EDIL3: variants seen among roughly 807,000 people sequenced by gnomAD.
EDIL3 encodes EGF like and discoidin domains 3.
EDIL3 carries 37 observed loss-of-function variants against 67.4 expected under a neutral mutation model. The ratio of observed to expected loss-of-function variants is 0.55; its 90% CI spans 0.42 to 0.72. The LOEUF is 0.72. Ranked by LOEUF, EDIL3 falls within the 30% of genes least tolerant of loss-of-function variation. The pLI, the probability that EDIL3 is intolerant of heterozygous loss-of-function variation, is 0.00. For missense variants in EDIL3, 527 were observed against 586.3 expected (o/e 0.90, Z 1.04); for synonymous variants, 195 against 196.3 (o/e 0.99, Z 0.05).
intron 9 of EDIL3, among the ~76,000 whole-genome samples, chr5:84,034,286 C>G (rs914099407): frequency 6.6e-6 from 1 of 152,128 alleles, no homozygotes; most frequent in Non-Finnish European, 1.5e-5. Flanking sequence ...GAATGCCACT[C>G]CTTTCTCATT....
chr5:83,963,078 T>G, intron 10 of EDIL3, 127 bp downstream of exon 10: 1 of 1,208,480 alleles, frequency 8.3e-7, no homozygotes, highest in Non-Finnish European at 1.1e-6. Context: ...GCTTTTTATT[T>G]AACATATATT....
At chr5:84,248,587 C>T (rs1466996492) in intron 2 of EDIL3, among the ~76,000 whole-genome samples, 1 of 152,164 alleles carries the variant, frequency 6.6e-6, no homozygotes, top group African/African-American at 2.4e-5. Context: ...ATGACTTCTA[C>T]ATCTATGCTT....
chr5:84,371,383 A>G (rs1747848085), intron 1 of EDIL3, among the ~76,000 whole-genome samples: 1 of 144,540 alleles, frequency 6.9e-6, no homozygotes, highest in African/African-American at 2.6e-5. Context: ...GTATGTGTGT[A>G]TATATATGTG....
chr5:83,969,570 A>G lies in EDIL3; in HGVS notation c.1138-6210T>C, dbSNP rs553458775. 3.4e-3 allele frequency among the ~76,000 whole-genome samples: 519 copies of G among 151,866 alleles called. 1 individual carries two copies. The highest frequency in any genetic ancestry group is 0.012 in the African/African-American group (498 of 41,506). ...TTACTATCAGAAGAAAAACAGACTC[A>G]ACTCTCATGTGTATTTATTTGCCCA... On this transcript the variant is annotated intron_variant, in intron 9 of 10. Transcript: ENST00000296591.
intron 3 of EDIL3, among the ~76,000 whole-genome samples, chr5:84,206,249 C>T (rs1743977588): frequency 6.6e-6 from 1 of 152,058 alleles, no homozygotes; most frequent in Admixed American, 6.5e-5. Flanking sequence ...ATCCTGAGTT[C>T]TAGTTTGAGT....
At chr5:83,954,668 T>A (rs1302824298) in intron 10 of EDIL3, among the ~76,000 whole-genome samples, 1 of 151,690 alleles carries the variant, frequency 6.6e-6, no homozygotes, top group East Asian at 2.0e-4. Context: ...TACCCAGTCT[T>A]AGGCATTCCT....
At chr5:84,135,486 G>C (rs1478008139) in intron 5 of EDIL3, among the ~76,000 whole-genome samples, 1 of 152,148 alleles carries the variant, frequency 6.6e-6, no homozygotes, top group South Asian at 2.1e-4. Context: ...ATATTAATAA[G>C]ATGTTCACTG....
At chr5:83,947,357 C>CTG (rs1220301860) in intron 10 of EDIL3, among the ~76,000 whole-genome samples, 4 of 132,750 alleles carry the variant, frequency 3.0e-5, no homozygotes, top group Admixed American at 1.5e-4. Flanking sequence ...ATGTATGTGT[C>CTG]TGTGTCTGTG....
chr5:84,339,372 T>G (rs1747052050), intron 1 of EDIL3, among the ~76,000 whole-genome samples: 1 of 152,252 alleles, frequency 6.6e-6, no homozygotes, highest in South Asian at 2.1e-4. Context: ...GCACTATTGT[T>G]ACTATTTTGT....
Position 84,254,531 on chromosome 5 carries a change from T to A in EDIL3, c.68-319A>T, listed in dbSNP as rs371591638. 9.2e-5 allele frequency among the ~76,000 whole-genome samples: 14 copies of A among 152,342 alleles called. No individual in the cohort carries two copies. The East Asian group carries it at 2.7e-3, about 29-fold the overall frequency. ...ATTAACCTAAATATCTGTAATAGAC[T>A]AGTGTCATTAATTACTCTAATAAAT... is the stretch of plus-strand genomic sequence containing the variant. On this transcript the variant is annotated intron_variant, in intron 1 of 10. Coordinates refer to ENST00000296591, the MANE Select transcript of EDIL3 (RefSeq NM_005711.5).
At chr5:84,134,667 C>A (rs542500612) in intron 5 of EDIL3, among the ~76,000 whole-genome samples, 1 of 152,188 alleles carries the variant, frequency 6.6e-6, no homozygotes, top group African/African-American at 2.4e-5. Context: ...AGAACCATAT[C>A]CTAAGAAACC....
At chr5:84,091,367 C>T (rs908624247) in intron 6 of EDIL3, among the ~76,000 whole-genome samples, 1 of 152,208 alleles carries the variant, frequency 6.6e-6, no homozygotes, top group Non-Finnish European at 1.5e-5. Flanking sequence ...TAATACATAA[C>T]ACTACGGACA....
At chr5:84,341,835 C>T (rs1342336011) in intron 1 of EDIL3, among the ~76,000 whole-genome samples, 1 of 151,884 alleles carries the variant, frequency 6.6e-6, no homozygotes, top group Admixed American at 6.6e-5. Flanking sequence ...CTTTTATATA[C>T]CTGAATGTCC....
intron 1 of EDIL3, among the ~76,000 whole-genome samples, chr5:84,336,357 G>A (rs1746985840): frequency 6.6e-6 from 1 of 152,162 alleles, no homozygotes; most frequent in South Asian, 2.1e-4. Context: ...TATGACTTAG[G>A]TTACTTCTTG....
At chr5:84,273,781 A>G (rs1745520537) in intron 1 of EDIL3, among the ~76,000 whole-genome samples, 2 of 152,118 alleles carry the variant, frequency 1.3e-5, no homozygotes, top group Non-Finnish European at 2.9e-5. Flanking sequence ...TCTACTTCTC[A>G]TGGTGCTGGA....
At chr5:84,237,884 T>G (rs1008042781) in intron 2 of EDIL3, among the ~76,000 whole-genome samples, 4 of 152,082 alleles carry the variant, frequency 2.6e-5, no homozygotes, top group Non-Finnish European at 5.9e-5. Context: ...AGAGATATAG[T>G]AAAACTTCCA....
chr5:84,101,357 T>C (rs968178105), intron 6 of EDIL3, among the ~76,000 whole-genome samples: 1 of 152,208 alleles, frequency 6.6e-6, no homozygotes, highest in Admixed American at 6.6e-5. Flanking sequence ...GGAATTATTC[T>C]GAGAATTAAA....
intron 6 of EDIL3, among the ~76,000 whole-genome samples, chr5:84,104,240 T>C (rs1747418289): frequency 6.6e-6 from 1 of 151,746 alleles, no homozygotes; most frequent in Admixed American, 6.6e-5. Context: ...GGGTGAAGGA[T>C]GGGAGGAGGG....
chr5:84,063,900 T>C (rs16900867), intron 8 of EDIL3, among the ~76,000 whole-genome samples: 3,471 of 152,260 alleles, frequency 0.023, 129 homozygotes, highest in African/African-American at 0.078. Flanking sequence ...TAAATTGTGA[T>C]GCCAGAAATG....
Sources: gnomAD v4.1 joint callset for allele counts (sites outside exome capture counted in the v4.1 genomes callset) on GRCh38, gnomAD v4.1.1 for gene constraint, MANE v1.5 for transcripts, NCBI Gene and HGNC (gene_info 2026-07-23, HGNC 2026-07-21) for gene names.